NUDT19: variants seen among roughly 807,000 people sequenced by gnomAD.
NUDT19 encodes the protein acyl-coenzyme A diphosphatase NUDT19.
In NUDT19, 31 loss-of-function variants were observed where a neutral mutation model predicts 22.2. The ratio of observed to expected loss-of-function variants is 1.40; its 90% CI spans 1.05 to 1.89. The LOEUF (loss-of-function observed/expected upper bound fraction) is 1.89, where lower values mean the gene tolerates loss of function less well. Among genes scored for constraint, NUDT19 ranks in the 40% most tolerant of loss-of-function variants. The probability of loss-of-function intolerance (pLI) is 0.00; values close to 1 mark genes in which losing one functional copy is unlikely to be tolerated. For missense variants in NUDT19, 752 were observed against 514.2 expected (o/e 1.46, Z -4.47); for synonymous variants, 325 against 230.8 (o/e 1.41, Z -3.70).
At chr19:32,711,650 A>G in intron 2 of NUDT19, 102 bp from the exon 3 acceptor site, 1 of 689,246 alleles carries the variant, frequency 1.5e-6, no homozygotes, top group Non-Finnish European at 2.5e-6. Flanking sequence ...TATTGGAGTG[A>G]TTTATAAAAT....
At chr19:32,708,721 A>C (rs1968414408) in intron 1 of NUDT19, among the ~76,000 whole-genome samples, 1 of 152,204 alleles carries the variant, frequency 6.6e-6, no homozygotes, top group Non-Finnish European at 1.5e-5. Context: ...TGGTTGCTGA[A>C]GTCCCCATAG....
rs1383387666 is a variant in NUDT19 at position 32,713,036 on chromosome 19, A to G, written c.*1079A>G. On this transcript the variant is annotated 3_prime_UTR_variant, in exon 3 of 3. Coordinates refer to ENST00000397061, the MANE Select transcript of NUDT19 (RefSeq NM_001105570.2). Reference sequence around the variant, plus strand: ...GAGACACCCTTCAAGTGACCATGTCATTGTTTTCTTGCTATGTCTTTAGCT... The same window carrying G: ...GAGACACCCTTCAAGTGACCATGTCGTTGTTTTCTTGCTATGTCTTTAGCT... The G allele has an allele frequency of 2.0e-5, 3 of 152,210 alleles. No homozygotes were observed. Among genetic ancestry groups the G allele is most frequent in the East Asian group, 3.8e-4 (2 of 5,204 alleles). The allele number at this position is 152,210 out of a possible 1,614,324, so 9.4% of individuals were successfully genotyped here.
chr19:32,698,805 G>T (rs1174414287), intron 1 of NUDT19, among the ~76,000 whole-genome samples: 1 of 152,188 alleles, frequency 6.6e-6, no homozygotes, highest in African/African-American at 2.4e-5. Context: ...AGAAAAATCA[G>T]ATTTAGTGGC....
rs185688368 is a variant in NUDT19, at chr19:32,710,260, C to T, written c.922+868C>T. Among the ~76,000 whole-genome samples, 775 of 151,058 alleles carry T rather than the reference C, an allele frequency of 5.1e-3. 6 individuals are homozygous for T. Among genetic ancestry groups the T allele is most frequent in the African/African-American group, 0.018 (745 of 41,232 alleles). ...AACTCCTGACCTCAGGTGATCCGCC[C>T]GCCTCAGCCTCCCCAAATTCTGGGA... On this transcript the variant is annotated intron_variant, in intron 2 of 2. Coordinates refer to ENST00000397061, the MANE Select transcript of NUDT19 (RefSeq NM_001105570.2).
chr19:32,694,820 G>C (rs1016685972), intron 1 of NUDT19, among the ~76,000 whole-genome samples: 1 of 152,216 alleles, frequency 6.6e-6, no homozygotes, highest in Non-Finnish European at 1.5e-5. Flanking sequence ...AGGTTTGGCT[G>C]AGTGCAAACA....
intron 2 of NUDT19, among the ~76,000 whole-genome samples, chr19:32,710,813 A>C (rs1380004115): frequency 1.3e-5 from 2 of 152,048 alleles, no homozygotes; most frequent in African/African-American, 2.4e-5. Context: ...GAATCACTTG[A>C]ACCCAGGAGG....
chr19:32,701,431 C>A (rs1401280325), intron 1 of NUDT19, among the ~76,000 whole-genome samples: 4 of 152,064 alleles, frequency 2.6e-5, no homozygotes, highest in Admixed American at 6.6e-5. Context: ...CTCCTGACCT[C>A]AGGTGATCCA....
chr19:32,707,837 G>A, intron 1 of NUDT19, among the ~76,000 whole-genome samples: 1 of 152,020 alleles, frequency 6.6e-6, no homozygotes, highest in East Asian at 1.9e-4. Context: ...AATTAGCCGG[G>A]CGTGGTGGCA....
At chr19:32,705,106 CAAAAAAAA>C (rs34871387) in intron 1 of NUDT19, among the ~76,000 whole-genome samples, 1 of 54,216 alleles carries the variant, frequency 1.8e-5, no homozygotes, top group Admixed American at 2.5e-4. Flanking sequence ...GACTTCATCT[CAAAAAAAA>C]AAAAAAAAAA....
intron 1 of NUDT19, among the ~76,000 whole-genome samples, chr19:32,700,973 G>A (rs1968328759): frequency 6.6e-6 from 1 of 151,654 alleles, no homozygotes. Context: ...CTGGGAGGTT[G>A]AGGCTGCAGT....
Position 32,712,000 on chromosome 19 carries a change from A to G in NUDT19, c.*43A>G. The stretch of plus-strand genomic sequence containing the variant: ...GTAAAATGGCCTACTTGAAGTCCTC[A>G]TGAATAATGAGGGTTGACTTTCATT... On this transcript the variant is annotated 3_prime_UTR_variant, in exon 3 of 3. Transcript: ENST00000397061. 2 of 1,246,398 alleles carry G rather than the reference A, an allele frequency of 1.6e-6. No individual in the cohort carries two copies. Among genetic ancestry groups the G allele is most frequent in the African/African-American group, 1.5e-5 (1 of 67,760 alleles). The allele number at this position is 1,246,398 out of a possible 1,614,324, so 77.2% of individuals were successfully genotyped here.
Position 32,692,289 on chromosome 19 carries a change from A to T in NUDT19, c.329A>T (p.His110Leu). 3.1e-6 allele frequency: 5 copies of T among 1,593,584 alleles called. No individual in the cohort carries two copies. Among genetic ancestry groups the T allele is most frequent in the Non-Finnish European group, 4.2e-6 (5 of 1,178,004 alleles). The change falls in exon 1 of 3, where the codon CAC becomes CTC. Residue 110 changes from histidine to leucine, a missense_variant. His to Leu is a moderately conservative substitution (Grantham distance 99). Coordinates refer to ENST00000397061, the MANE Select transcript of NUDT19 (RefSeq NM_001105570.2). ...AFPSLPDTDDHKTDNTGTLPE... is the reference protein window; with the variant it reads ...AFPSLPDTDDLKTDNTGTLPE... Reference sequence around the variant, plus strand: ...CCGTCGCTGCCCGACACCGATGACCACAAGACCGACAACACTGGGACGCTG... The same window carrying T: ...CCGTCGCTGCCCGACACCGATGACCTCAAGACCGACAACACTGGGACGCTG...
At chr19:32,695,442 T>C (rs1336829278) in intron 1 of NUDT19, among the ~76,000 whole-genome samples, 2 of 152,360 alleles carry the variant, frequency 1.3e-5, no homozygotes, top group Non-Finnish European at 2.9e-5. Flanking sequence ...CCTCCCAAAG[T>C]GCTGGGATTA....
intron 1 of NUDT19, among the ~76,000 whole-genome samples, chr19:32,693,394 C>T (rs1324304770): frequency 3.3e-5 from 5 of 152,102 alleles, no homozygotes; most frequent in African/African-American, 4.8e-5. Flanking sequence ...GCTTCAGGAG[C>T]GAAGCTGCAG....
intron 1 of NUDT19, among the ~76,000 whole-genome samples, chr19:32,707,592 C>A (rs528618033): frequency 6.6e-6 from 1 of 152,272 alleles, no homozygotes; most frequent in South Asian, 2.1e-4. Flanking sequence ...CACCTGTAAT[C>A]CCAGCACTTT....
Position 32,692,140 on chromosome 19 carries a change from CG to C in NUDT19, c.181del (p.Val61SerfsTer62). On this transcript the variant is annotated frameshift_variant, in exon 1 of 3. Coordinates refer to ENST00000397061, the MANE Select transcript of NUDT19 (RefSeq NM_001105570.2). LOFTEE classifies it high-confidence loss of function. ...PHQGFMPGAH[V>X]FSGGVLDAAD... ...ACCAAGGCTTCATGCCGGGCGCGCA[CG>C]TCTTCTCCGGCGGAGTGCTGGATGC... 1 of 1,491,768 alleles carries C rather than the reference CG, an allele frequency of 6.7e-7. No homozygotes were observed. Among genetic ancestry groups the C allele is most frequent in the South Asian group, 1.3e-5 (1 of 78,656 alleles). 92.4% of individuals were successfully genotyped at this position (1,491,768 alleles called of 1,614,324 possible). A position where few individuals can be genotyped will look rare whatever the true frequency, so the allele number is the denominator to read the frequency against.
rs372257079 is a variant in NUDT19, at chr19:32,692,445, C to G, written c.485C>G (p.Pro162Arg). The stretch of plus-strand genomic sequence containing the variant: ...CCTGGCCTCGCCCTGGAGCCACCGC[C>G]GGGCCTGGCCTCCTGGCGCGACCGC... ...PGPGLALEPP[P>R]GLASWRDRVR... Residue 162 changes from proline to arginine, a missense_variant, in exon 1 of 3, where the codon CCG becomes CGG. Coordinates refer to ENST00000397061, the MANE Select transcript of NUDT19 (RefSeq NM_001105570.2). The G allele has an allele frequency of 5.9e-4, 920 of 1,547,058 alleles. No individual in the cohort carries two copies. Among genetic ancestry groups the G allele is most frequent in the Non-Finnish European group, 7.3e-4 (844 of 1,152,030 alleles).
chr19:32,709,544 T>C, intron 2 of NUDT19, 152 bp downstream of exon 2: 1 of 633,240 alleles, frequency 1.6e-6, no homozygotes. Flanking sequence ...CTATAAAATA[T>C]CCATATTATT....
rs769358360 is a variant in NUDT19, at chr19:32,692,506, C to T, written c.546C>T (p.Cys182=). 7.7e-6 allele frequency: 12 copies of T among 1,556,704 alleles called. No individual in the cohort carries two copies. The highest frequency in any genetic ancestry group is 1.9e-5 in the Admixed American group (1 of 52,410). Residue 182 remains cysteine (C), a synonymous_variant, in exon 1 of 3, where the codon TGC becomes TGT. Transcript: ENST00000397061. ...ACCCGCGCCACTTCCTGCGGCTGTG[C>T]GCCCACCTCGACTGCACACCCGACA... ...RQDPRHFLRL[C]AHLDCTPDIW...
Sources: allele counts gnomAD v4.1 joint callset (sites outside exome capture counted in the v4.1 genomes callset), GRCh38; gene constraint gnomAD v4.1.1; transcripts MANE v1.5; gene names NCBI Gene and HGNC (gene_info 2026-07-23, HGNC 2026-07-21).